The following SH3D19 variants were observed in gnomAD, a reference collection of about 807,000 sequenced individuals.
SH3D19 encodes SH3 domain containing 19.
A neutral mutation model predicts 112.1 loss-of-function variants in SH3D19; 58 were observed. That is an observed-to-expected ratio of 0.52 (90% CI 0.42 to 0.64). The LOEUF (loss-of-function observed/expected upper bound fraction) is 0.64, where lower values mean the gene tolerates loss of function less well. Among genes scored for constraint, SH3D19 ranks in the 30% least tolerant of loss-of-function variants. The pLI is 0.00. For missense variants in SH3D19, 1,090 were observed against 1,263.4 expected, an observed-to-expected ratio of 0.86 and a Z score of 2.08; for synonymous variants, 391 against 448.5, an observed-to-expected ratio of 0.87 and a Z score of 1.62.
chr4:151,125,077 T>TTTA (rs1748900747), intron 19 of SH3D19, among the ~76,000 whole-genome samples: 1 of 152,234 alleles, frequency 6.6e-6, no homozygotes, highest in South Asian at 2.1e-4. Context: ...CTTTCTTTTT[T>TTTA]AAATTTTGTT....
chr4:151,314,819 G>A (rs751865985), intron 1 of SH3D19, among the ~76,000 whole-genome samples: 4 of 152,280 alleles, frequency 2.6e-5, no homozygotes, highest in Admixed American at 6.5e-5. Context: ...TCAGTGCTTC[G>A]GTTCCAACCT....
At chr4:151,148,304 T>C (rs1754304197) in intron 10 of SH3D19, 118 bp from the exon 11 acceptor site, 3 of 1,046,998 alleles carry the variant, frequency 2.9e-6, no homozygotes, top group South Asian at 3.8e-5. Flanking sequence ...CACAGCTTTC[T>C]GCTAGTGGAA....
intron 2 of SH3D19, among the ~76,000 whole-genome samples, chr4:151,189,808 A>G (rs1762359036): frequency 6.6e-6 from 1 of 152,138 alleles, no homozygotes; most frequent in African/African-American, 2.4e-5. Context: ...CTAATACAGT[A>G]AATTGGTACT....
chr4:151,124,112 A>T (rs1301981556), intron 19 of SH3D19, among the ~76,000 whole-genome samples: 3 of 147,876 alleles, frequency 2.0e-5, no homozygotes, highest in Non-Finnish European at 1.5e-5. Context: ...GGCTAGGACT[A>T]TTTTTTTTTT....
chr4:151,282,270 C>T, intron 1 of SH3D19: 2 of 1,613,958 alleles, frequency 1.2e-6, no homozygotes, highest in Non-Finnish European at 1.7e-6. Context: ...GATACAACGG[C>T]AGACGTCGCC....
intron 1 of SH3D19, among the ~76,000 whole-genome samples, chr4:151,302,879 A>G (rs1471878111): frequency 2.7e-5 from 4 of 149,932 alleles, no homozygotes; most frequent in South Asian, 2.2e-4. Flanking sequence ...GGGGTGGGGG[A>G]AGGGGGGAGG....
At position 151,137,988 on chromosome 4, in the gene SH3D19, T is replaced by C. The variant is rs1579707718; in HGVS notation, c.2297-126A>G. On this transcript the variant is annotated intron_variant, in intron 13 of 19. Coordinates refer to ENST00000604030, the MANE Select transcript of SH3D19 (RefSeq NM_001378122.1). ...TTCCACTGATTCTGAGAACAGATTA[T>C]ACTAATCAAATTGACTTAAAAAATG... is the stretch of plus-strand genomic sequence containing the variant. 6 of 656,358 alleles carry C rather than the reference T, an allele frequency of 9.1e-6. 1 individual carries two copies. The East Asian group carries it at 1.0e-4, about 11-fold the overall frequency. 40.7% of individuals were successfully genotyped at this position (656,358 alleles called of 1,614,324 possible).
At chr4:151,144,226 A>G (rs1410587632) in intron 11 of SH3D19, 176 bp from the exon 12 acceptor site, 1 of 1,613,862 alleles carries the variant, frequency 6.2e-7, no homozygotes, top group South Asian at 1.1e-5. Flanking sequence ...TTACCTTACA[A>G]GAGAGTTCTC....
At chr4:151,175,810 A>G (rs1405319615) in intron 6 of SH3D19, 136 bp from the exon 7 acceptor site, 6 of 766,102 alleles carry the variant, frequency 7.8e-6, no homozygotes, top group Non-Finnish European at 3.6e-6. Context: ...TCTTTTAATT[A>G]GTAAAAAGTG....
At chr4:151,184,718 C>T (rs1378340701) in intron 3 of SH3D19, among the ~76,000 whole-genome samples, 1 of 152,174 alleles carries the variant, frequency 6.6e-6, no homozygotes, top group Non-Finnish European at 1.5e-5. Context: ...AGTCAGATCT[C>T]CTCTTTCCTT....
chr4:151,125,073 T>TTCTC (rs1748897704), intron 19 of SH3D19, among the ~76,000 whole-genome samples: 1 of 152,080 alleles, frequency 6.6e-6, no homozygotes, highest in Non-Finnish European at 1.5e-5. Flanking sequence ...CTTTCTTTCT[T>TTCTC]TTTTAAATTT....
intron 7 of SH3D19, among the ~76,000 whole-genome samples, chr4:151,167,362 C>A (rs574692188): frequency 1.5e-4 from 23 of 151,718 alleles, no homozygotes; most frequent in Non-Finnish European, 3.4e-4. Context: ...AAGTGAGAAA[C>A]ATTAAGAATT....
intron 1 of SH3D19, among the ~76,000 whole-genome samples, chr4:151,315,261 A>C (rs1312700557): frequency 6.6e-6 from 1 of 152,200 alleles, no homozygotes; most frequent in Non-Finnish European, 1.5e-5. Flanking sequence ...AAATGAGAAA[A>C]ACACACTGAA....
chr4:151,198,405 TTA>T (rs1462835365), intron 2 of SH3D19, among the ~76,000 whole-genome samples: 4 of 142,456 alleles, frequency 2.8e-5, no homozygotes, highest in African/African-American at 1.1e-4. Flanking sequence ...ATATCATATA[TTA>T]TATATTATAT....
intron 1 of SH3D19, among the ~76,000 whole-genome samples, chr4:151,236,477 C>A (rs1280068493): frequency 1.3e-5 from 2 of 151,366 alleles, no homozygotes; most frequent in East Asian, 3.8e-4. Context: ...ACTTGGAGAA[C>A]TTTTCTGTCT....
chr4:151,204,636 G>T (rs1764845373), intron 2 of SH3D19, among the ~76,000 whole-genome samples: 1 of 152,132 alleles, frequency 6.6e-6, no homozygotes, highest in Admixed American at 6.5e-5. Flanking sequence ...ATTCATCAAT[G>T]TTTCATGGAG....
intron 9 of SH3D19, among the ~76,000 whole-genome samples, chr4:151,159,023 T>C (rs890301350): frequency 6.6e-6 from 1 of 152,216 alleles, no homozygotes; most frequent in African/African-American, 2.4e-5. Flanking sequence ...AATTATTTTA[T>C]AGTGAAGTAC....
chr4:151,195,388 A>AG (rs1561320904), intron 2 of SH3D19, among the ~76,000 whole-genome samples: 1 of 146,634 alleles, frequency 6.8e-6, no homozygotes, highest in African/African-American at 2.7e-5. Flanking sequence ...AAAAAAAAAA[A>AG]AAAAAAAAAG....
Position 151,122,155 on chromosome 4 carries a change from C to T in SH3D19, c.3080G>A (p.Gly1027Glu). ...LESVDDDWMSGELMGKSGIFP... is the reference protein window; with the variant it reads ...LESVDDDWMSEELMGKSGIFP... Reference sequence around the variant, plus strand: ...TATTCCAGATTTTCCCATAAGTTCTCCACTCATCCAGTCATCATCTACAGA... The same window carrying T: ...TATTCCAGATTTTCCCATAAGTTCTTCACTCATCCAGTCATCATCTACAGA... Residue 1027 changes from glycine (G) to glutamate (E), a missense_variant, in exon 20 of 20, where the codon GGA becomes GAA. Coordinates refer to ENST00000604030, the MANE Select transcript of SH3D19 (RefSeq NM_001378122.1). 6.2e-7 allele frequency: 1 copy of T among 1,611,574 alleles called. No homozygotes were observed.
Sources: allele counts gnomAD v4.1 joint callset (sites outside exome capture counted in the v4.1 genomes callset), GRCh38; gene constraint gnomAD v4.1.1; transcripts MANE v1.5; gene names NCBI Gene and HGNC (gene_info 2026-07-23, HGNC 2026-07-21).